The following CRIM1 variants were observed in gnomAD, a reference collection of about 807,000 sequenced individuals.
The protein encoded by CRIM1 is cysteine-rich motor neuron 1 protein.
In CRIM1, 32 loss-of-function variants were observed where a neutral mutation model predicts 116.4. The ratio of observed to expected loss-of-function variants is 0.27; its 90% CI spans 0.21 to 0.37. The LOEUF (loss-of-function observed/expected upper bound fraction) is 0.37. CRIM1 is among the 10% of genes least tolerant of loss of function. CRIM1 has a pLI of 1.00. For missense variants in CRIM1, 1,331 were observed against 1,354.8 expected, an observed-to-expected ratio of 0.98 and a Z score of 0.28; for synonymous variants, 590 against 509.2, an observed-to-expected ratio of 1.16 and a Z score of -2.13.
rs142923562 is a variant in CRIM1, at chr2:36,522,225, C to T, written c.2340C>T (p.Ser780=). The T allele has an allele frequency of 3.5e-5, 56 of 1,614,072 alleles. No individual in the cohort carries two copies. The African/African-American group carries it at 3.6e-4, about 10-fold the overall frequency. The change falls in exon 13 of 17, where the codon AGC becomes AGT. Residue 780 remains serine, a synonymous_variant. Coordinates refer to ENST00000280527, the MANE Select transcript of CRIM1 (RefSeq NM_016441.3). ...GTACCAGCTGCATCTGCATTGATAG[C>T]GTAATTAGCTGTTTCTCTGAGTCCT... ...DVCTSCICID[S]VISCFSESCP...
In CRIM1 at chr2:36,549,920, A is replaced by G. The variant is rs1667629839; in HGVS notation, c.*1219A>G. On this transcript the variant is annotated 3_prime_UTR_variant, in exon 17 of 17. Transcript: ENST00000280527. ...GTATTTTTATGAGATTTTAACCAGA[A>G]CAAAGGCAGATAAACAGGCATTCCA... The G allele has an allele frequency of 6.6e-6, 1 of 152,514 alleles. No homozygotes were observed. The highest frequency in any genetic ancestry group is 6.5e-5 in the Admixed American group (1 of 15,268). The allele number at this position is 152,514 out of a possible 1,614,324, so 9.4% of individuals were successfully genotyped here. A position where few individuals can be genotyped will look rare whatever the true frequency, so the allele number is the denominator to read the frequency against.
At chr2:36,430,232 C>T (rs981102368) in intron 2 of CRIM1, among the ~76,000 whole-genome samples, 2 of 152,156 alleles carry the variant, frequency 1.3e-5, no homozygotes, top group Admixed American at 1.3e-4. Context: ...GGCTGAACCC[C>T]ATCTTGCCCT....
rs1347673438 is a variant in CRIM1 at position 36,465,628 on chromosome 2, T to A, written c.991+973T>A. Among the ~76,000 whole-genome samples, 4 of 152,268 alleles carry A rather than the reference T, an allele frequency of 2.6e-5. No homozygotes were observed. The East Asian group carries it at 7.7e-4, about 29-fold the overall frequency. On this transcript the variant is annotated intron_variant, in intron 5 of 16. Coordinates refer to ENST00000280527, the MANE Select transcript of CRIM1 (RefSeq NM_016441.3). Reference sequence around the variant, plus strand: ...ATTTTTAGGCCCGTGGCCAAGTTGTTTTTTATTGTTTATTTTTGCTTTGAA... The same window carrying A: ...ATTTTTAGGCCCGTGGCCAAGTTGTATTTTATTGTTTATTTTTGCTTTGAA...
rs1195991033 is a variant in CRIM1, at chr2:36,512,328, T to G, written c.1714T>G (p.Cys572Gly). ...CTGTAAGAAATGTCCAGAGCTCTCA[T>G]GCAGTAAGATCTGCCCCTTGGGTTT... Reference protein sequence around the residue: ...CRCKKCPELSCSKICPLGFQQ... With the variant: ...CRCKKCPELSGSKICPLGFQQ... The change falls in exon 10 of 17, where the codon TGC becomes GGC. Residue 572 changes from cysteine to glycine, a missense_variant. Physicochemically the swap from Cys to Gly is radical, Grantham distance 159. Transcript: ENST00000280527. 1.2e-6 allele frequency: 2 copies of G among 1,613,970 alleles called. No homozygotes were observed. Among genetic ancestry groups the G allele is most frequent in the Non-Finnish European group, 1.7e-6 (2 of 1,179,904 alleles).
chr2:36,465,562 A>T (rs967408456), intron 5 of CRIM1, among the ~76,000 whole-genome samples: 1 of 152,132 alleles, frequency 6.6e-6, no homozygotes, highest in African/African-American at 2.4e-5. Context: ...AAGGCAAGAA[A>T]GGTTATGTTG....
rs529249375 is a variant in CRIM1 at position 36,378,265 on chromosome 2, C to G, written c.332-18349C>G. On this transcript the variant is annotated intron_variant, in intron 1 of 16. Transcript: ENST00000280527. ...AATGAGTAATTGATGGGATATTTTT[C>G]TTCACATTACATCACATTGAAGATG... 11 of 469,178 alleles carry G rather than the reference C, an allele frequency of 2.3e-5. No homozygotes were observed. In the East Asian group the frequency reaches 7.0e-4, roughly 30 times the overall value. The allele number at this position is 469,178 out of a possible 1,614,324, so 29.1% of individuals were successfully genotyped here.
chr2:36,420,580 T>TG (rs1673979543), intron 2 of CRIM1, among the ~76,000 whole-genome samples: 1 of 152,176 alleles, frequency 6.6e-6, no homozygotes, highest in Admixed American at 6.5e-5. Flanking sequence ...AAGTGCCATT[T>TG]GAGAGGTTCT....
At chr2:36,363,089 A>T (rs1210657753) in intron 1 of CRIM1, among the ~76,000 whole-genome samples, 2 of 151,782 alleles carry the variant, frequency 1.3e-5, no homozygotes, top group East Asian at 3.9e-4. Flanking sequence ...AATCCCAGCT[A>T]CTAGGGAGGC....
chr2:36,394,677 A>T (rs987739055), intron 1 of CRIM1, among the ~76,000 whole-genome samples: 14 of 151,876 alleles, frequency 9.2e-5, no homozygotes, highest in African/African-American at 3.1e-4. Flanking sequence ...AATTTAGGCT[A>T]AATAGGAGAA....
intron 2 of CRIM1, among the ~76,000 whole-genome samples, chr2:36,423,412 A>G (rs1042976381): frequency 3.3e-5 from 5 of 152,236 alleles, no homozygotes; most frequent in Admixed American, 3.3e-4. Flanking sequence ...CAGCTACTCA[A>G]GTACCGTATC....
intron 11 of CRIM1, 58 bp downstream of exon 11, chr2:36,513,823 C>T (rs1664858204): frequency 1.4e-6 from 2 of 1,476,118 alleles, no homozygotes; most frequent in Non-Finnish European, 1.9e-6. Flanking sequence ...CCTTGCAGGG[C>T]CCTAGACACA....
chr2:36,458,984 A>G (rs1677368653), intron 4 of CRIM1, among the ~76,000 whole-genome samples: 1 of 152,220 alleles, frequency 6.6e-6, no homozygotes, highest in African/African-American at 2.4e-5. Context: ...CTTTTAAGCA[A>G]TGGTATTCAG....
chr2:36,413,973 C>G (rs1673415621), intron 2 of CRIM1, among the ~76,000 whole-genome samples: 1 of 152,222 alleles, frequency 6.6e-6, no homozygotes, highest in African/African-American at 2.4e-5. Context: ...TACATCATAA[C>G]AGTATGCTGG....
intron 7 of CRIM1, among the ~76,000 whole-genome samples, chr2:36,496,234 A>T (rs570218707): frequency 2.0e-5 from 3 of 152,344 alleles, no homozygotes; most frequent in Admixed American, 2.0e-4. Context: ...CCAAGTGTTA[A>T]AATGTCTTCT....
intron 9 of CRIM1, among the ~76,000 whole-genome samples, chr2:36,511,385 G>A (rs1664667531): frequency 6.6e-6 from 1 of 152,144 alleles, no homozygotes; most frequent in African/African-American, 2.4e-5. Context: ...TGGAAACATT[G>A]TTCCGTAAAA....
chr2:36,430,013 G>A (rs1456873888), intron 2 of CRIM1, among the ~76,000 whole-genome samples: 1 of 152,188 alleles, frequency 6.6e-6, no homozygotes, highest in African/African-American at 2.4e-5. Flanking sequence ...AGGAGTGTAA[G>A]TACTGTACCT....
chr2:36,532,048 A>G (rs1666157081), intron 13 of CRIM1: 1 of 467,866 alleles, frequency 2.1e-6, no homozygotes, highest in African/African-American at 2.0e-5. Flanking sequence ...GTCATTTCAA[A>G]CTGAATCTGA....
At chr2:36,366,676 G>C (rs1357553948) in intron 1 of CRIM1, among the ~76,000 whole-genome samples, 1 of 152,220 alleles carries the variant, frequency 6.6e-6, no homozygotes, top group African/African-American at 2.4e-5. Flanking sequence ...TGGCAGGGCA[G>C]AATGAAACCT....
Position 36,521,994 on chromosome 2 carries a change from G to A in CRIM1, c.2207-98G>A, listed in dbSNP as rs78793739. ...TGCGTCATGTATTTAAGGAGGCACCGAAAGCCATCATGACTGGGTGTGCTT... is the reference window on the plus strand; with the variant it reads ...TGCGTCATGTATTTAAGGAGGCACCAAAAGCCATCATGACTGGGTGTGCTT... On this transcript the variant is annotated intron_variant, in intron 12 of 16. Transcript: ENST00000280527. The A allele has an allele frequency of 2.5e-3, 2,424 of 957,048 alleles. 33 individuals carry two copies. The African/African-American group carries it at 0.033, about 13-fold the overall frequency. 59.3% of individuals were successfully genotyped at this position (957,048 alleles called of 1,614,324 possible). A position where few individuals can be genotyped will look rare whatever the true frequency, so the allele number is the denominator to read the frequency against.
Sources: allele counts gnomAD v4.1 joint callset (sites outside exome capture counted in the v4.1 genomes callset), GRCh38; gene constraint gnomAD v4.1.1; transcripts MANE v1.5; gene names NCBI Gene and HGNC (gene_info 2026-07-23, HGNC 2026-07-21).